The following PTPRM variants were observed in gnomAD, a reference collection of about 807,000 sequenced individuals.
The protein encoded by PTPRM is receptor-type tyrosine-protein phosphatase mu.
A neutral mutation model predicts 186.7 loss-of-function variants in PTPRM; 47 were observed. That is an observed-to-expected ratio of 0.25 (90% CI 0.20 to 0.32). The LOEUF is 0.32. Ranked by LOEUF, PTPRM falls within the 10% of genes least tolerant of loss-of-function variation. PTPRM has a pLI of 1.00. For missense variants in PTPRM, 1,494 were observed against 1,865.0 expected, an observed-to-expected ratio of 0.80 and a Z score of 3.66; for synonymous variants, 668 against 674.9, an observed-to-expected ratio of 0.99 and a Z score of 0.16.
intron 23 of PTPRM, among the ~76,000 whole-genome samples, chr18:8,344,565 A>G (rs928051112): frequency 1.3e-5 from 2 of 151,718 alleles, no homozygotes; most frequent in African/African-American, 4.8e-5. Context: ...TAATATGTTT[A>G]TATGTATATC....
intron 1 of PTPRM, among the ~76,000 whole-genome samples, chr18:7,740,825 G>A (rs182327732): frequency 1.3e-5 from 2 of 152,304 alleles, no homozygotes; most frequent in Non-Finnish European, 2.9e-5. Context: ...TAGTGATATG[G>A]CTATACATGG....
chr18:8,048,960 C>T (rs1240255674), intron 7 of PTPRM, among the ~76,000 whole-genome samples: 2 of 152,182 alleles, frequency 1.3e-5, no homozygotes, highest in African/African-American at 4.8e-5. Context: ...CAGTTCCAAA[C>T]TTCCAAGGCT....
At chr18:8,196,030 C>G (rs1003168949) in intron 14 of PTPRM, among the ~76,000 whole-genome samples, 3 of 152,142 alleles carry the variant, frequency 2.0e-5, no homozygotes, top group African/African-American at 7.2e-5. Context: ...GCACTCTGAC[C>G]AGCTGGCTAG....
intron 20 of PTPRM, among the ~76,000 whole-genome samples, chr18:8,308,807 CATTAAAATTAA>C (rs2095245971): frequency 6.6e-6 from 1 of 152,144 alleles, no homozygotes; most frequent in African/African-American, 2.4e-5. Flanking sequence ...TGTTTAAGTT[CATTAAAATTAA>C]ATTAAAATTT....
chr18:7,930,888 G>T (rs1051940647), intron 5 of PTPRM, among the ~76,000 whole-genome samples: 1 of 151,932 alleles, frequency 6.6e-6, no homozygotes, highest in Non-Finnish European at 1.5e-5. Flanking sequence ...ATTAACAGAT[G>T]TGTCCCATCT....
At chr18:8,192,134 G>C (rs1331823350) in intron 14 of PTPRM, among the ~76,000 whole-genome samples, 5 of 152,030 alleles carry the variant, frequency 3.3e-5, no homozygotes, top group Non-Finnish European at 5.9e-5. Context: ...AGTTATCACT[G>C]TAAGAAAGAT....
At chr18:8,008,300 T>TG (rs1025833970) in intron 7 of PTPRM, among the ~76,000 whole-genome samples, 2 of 152,070 alleles carry the variant, frequency 1.3e-5, no homozygotes, top group African/African-American at 4.8e-5. Flanking sequence ...AATAAATCAC[T>TG]GAGAAATCAA....
At chr18:7,778,226 C>T (rs919985391) in intron 2 of PTPRM, among the ~76,000 whole-genome samples, 3 of 152,200 alleles carry the variant, frequency 2.0e-5, no homozygotes, top group South Asian at 2.1e-4. Context: ...GGAGCAGTGA[C>T]GTTAGCTCTG....
chr18:8,045,151 A>G (rs1236564391), intron 7 of PTPRM, among the ~76,000 whole-genome samples: 4 of 152,240 alleles, frequency 2.6e-5, no homozygotes, highest in Non-Finnish European at 5.9e-5. Flanking sequence ...ATTTAAGACC[A>G]GCCTGGGCCA....
chr18:7,654,539 C>A (rs1191438034), intron 1 of PTPRM, among the ~76,000 whole-genome samples: 3 of 152,082 alleles, frequency 2.0e-5, no homozygotes, highest in East Asian at 1.9e-4. Context: ...TTTCCTATGT[C>A]CAGAATAGTA....
chr18:8,224,155 T>A (rs2094186168), intron 14 of PTPRM, among the ~76,000 whole-genome samples: 1 of 152,226 alleles, frequency 6.6e-6, no homozygotes, highest in South Asian at 2.1e-4. Context: ...GCTAATTAGT[T>A]AGAGAAAGAT....
intron 1 of PTPRM, among the ~76,000 whole-genome samples, chr18:7,739,961 A>G (rs1335946523): frequency 1.3e-5 from 2 of 152,194 alleles, no homozygotes; most frequent in African/African-American, 4.8e-5. Flanking sequence ...CTTAAACTCC[A>G]AGGCTGCAAT....
chr18:8,192,683 A>G (rs1055006104), intron 14 of PTPRM, among the ~76,000 whole-genome samples: 1 of 152,218 alleles, frequency 6.6e-6, no homozygotes, highest in African/African-American at 2.4e-5. Flanking sequence ...CAGGAAATAA[A>G]TGTAGAAATG....
At chr18:8,281,925 T>C (rs2147750114) in intron 19 of PTPRM, among the ~76,000 whole-genome samples, 1 of 152,232 alleles carries the variant, frequency 6.6e-6, no homozygotes, top group East Asian at 1.9e-4. Flanking sequence ...AAAAGCATTC[T>C]CCATTAAAGA....
chr18:7,646,553 G>A (rs895457789), intron 1 of PTPRM, among the ~76,000 whole-genome samples: 11 of 152,200 alleles, frequency 7.2e-5, no homozygotes, highest in African/African-American at 2.2e-4. Context: ...TGGAGGACTC[G>A]CTCTTCCCAC....
At chr18:8,398,769 C>CAAAA (rs199873195) in intron 32 of PTPRM, among the ~76,000 whole-genome samples, 1 of 84,052 alleles carries the variant, frequency 1.2e-5, no homozygotes. Context: ...GACTCCTTCT[C>CAAAA]AAAAAAAAAA....
intron 7 of PTPRM, among the ~76,000 whole-genome samples, chr18:8,008,357 GA>G (rs1290026614): frequency 6.6e-6 from 1 of 152,160 alleles, no homozygotes; most frequent in East Asian, 1.9e-4. Context: ...AAAGGCTGAC[GA>G]AGAAGGTCGG....
At chr18:8,278,317 A>T (rs2094860400) in intron 19 of PTPRM, among the ~76,000 whole-genome samples, 1 of 152,220 alleles carries the variant, frequency 6.6e-6, no homozygotes, top group African/African-American at 2.4e-5. Context: ...ATTTAACCTG[A>T]GTGCACAATT....
intron 19 of PTPRM, among the ~76,000 whole-genome samples, chr18:8,268,404 A>G (rs2094728179): frequency 6.6e-6 from 1 of 152,158 alleles, no homozygotes; most frequent in Non-Finnish European, 1.5e-5. Context: ...AAATTCAAAT[A>G]TAGCAATAGC....
Sources: gnomAD v4.1 joint callset for allele counts (sites outside exome capture counted in the v4.1 genomes callset) on GRCh38, gnomAD v4.1.1 for gene constraint, MANE v1.5 for transcripts, NCBI Gene and HGNC (gene_info 2026-07-23, HGNC 2026-07-21) for gene names.